Variants in ABCB4 observed in about 807,000 individuals in gnomAD.
ABCB4 encodes the protein phosphatidylcholine translocator ABCB4.
Under a neutral mutation model 145.7 loss-of-function variants are expected in ABCB4, and 76 were observed. That is an observed-to-expected ratio of 0.52 (90% CI 0.43 to 0.63). The LOEUF (loss-of-function observed/expected upper bound fraction) is 0.63, where lower values mean the gene tolerates loss of function less well. ABCB4 is among the 30% of genes least tolerant of loss of function. The probability of loss-of-function intolerance (pLI) is 0.00; values close to 1 mark genes in which losing one functional copy is unlikely to be tolerated. For missense variants in ABCB4, 1,234 were observed against 1,553.1 expected (o/e 0.79, Z 3.45); for synonymous variants, 517 against 566.8 (o/e 0.91, Z 1.25).
chr7:87,429,246 G>C (rs1388452551), intron 15 of ABCB4, among the ~76,000 whole-genome samples: 1 of 152,210 alleles, frequency 6.6e-6, no homozygotes, highest in Non-Finnish European at 1.5e-5. Context: ...ACTATTCAAA[G>C]GGGCTGAGAA....
chr7:87,420,166 A>G, intron 18 of ABCB4, 91 bp from the exon 19 acceptor site: 1 of 1,266,368 alleles, frequency 7.9e-7, no homozygotes, highest in Non-Finnish European at 1.2e-6. Flanking sequence ...TAGCAAAGTT[A>G]TGAGTTGTTT....
At chr7:87,418,962 G>A (rs1454538808) in intron 19 of ABCB4, among the ~76,000 whole-genome samples, 2 of 152,170 alleles carry the variant, frequency 1.3e-5, no homozygotes, top group Non-Finnish European at 2.9e-5. Context: ...GCCCTGATAT[G>A]GTGTTGTCTC....
At chr7:87,376,448 C>G in the ABCB4 span, among the ~76,000 whole-genome samples, 1 of 151,988 alleles carries the variant, frequency 6.6e-6, no homozygotes, top group Non-Finnish European at 1.5e-5. Context: ...TAAATATGGC[C>G]TTATTTTATG....
intron 14 of ABCB4, among the ~76,000 whole-genome samples, chr7:87,435,088 A>C (rs1562971617): frequency 6.6e-6 from 1 of 152,254 alleles, no homozygotes; most frequent in Non-Finnish European, 1.5e-5. Flanking sequence ...TATGGTCCTC[A>C]GAGGCAAGAC....
At chr7:87,450,167 C>A in intron 7 of ABCB4, 75 bp from the exon 8 acceptor site, 1 of 1,585,248 alleles carries the variant, frequency 6.3e-7, no homozygotes, top group Non-Finnish European at 8.6e-7. Flanking sequence ...ACCCTTTAAC[C>A]TACTTTTTCT....
chr7:87,442,459 A>C (rs1047505634), intron 12 of ABCB4, among the ~76,000 whole-genome samples: 1 of 152,290 alleles, frequency 6.6e-6, no homozygotes, highest in African/African-American at 2.4e-5. Flanking sequence ...TTAATATCAG[A>C]TAAACTCAAT....
Position 87,402,166 on chromosome 7 carries a change from T to G in ABCB4, c.3770A>C (p.Gln1257Pro). ...GATGCCTTTCTGTGCCAGCAGCTGC[T>G]GATGCGTGCCATGCTCCTTGACTCT... is the stretch of plus-strand genomic sequence containing the variant. ...NGRVKEHGTH[Q>P]QLLAQKGIYF... Residue 1257 changes from glutamine to proline, a missense_variant, in exon 28 of 28, where the codon CAG becomes CCG. Physicochemically the swap from Gln to Pro is moderately conservative, Grantham distance 76. Around this residue, in one of 7 missense-constraint regions of ABCB4, gnomAD observed 58 missense variants for 75.9 expected, o/e 0.76. Transcript: ENST00000649586. 1 of 1,614,126 alleles carries G rather than the reference T, an allele frequency of 6.2e-7. No homozygotes were observed. The highest frequency in any genetic ancestry group is 8.5e-7 in the Non-Finnish European group (1 of 1,180,042).
downstream of ABCB4, among the ~76,000 whole-genome samples, chr7:87,396,924 T>G (rs1728998357): frequency 6.6e-6 from 1 of 152,204 alleles, no homozygotes; most frequent in Admixed American, 6.5e-5. Flanking sequence ...GGTTGTATAA[T>G]TTCCAGTCTT....
rs987598303 is a variant in ABCB4 at position 87,451,879 on chromosome 7, GT to G, written c.537-86del. ...AGACATCCAACAAACACATAGACAA[GT>G]AAAATTTGTTCACTGACTGCAAGCC... On this transcript the variant is annotated intron_variant, in intron 6 of 27. Coordinates refer to ENST00000649586, the MANE Select transcript of ABCB4 (RefSeq NM_000443.4). The G allele has an allele frequency of 7.0e-5, 94 of 1,342,118 alleles. No homozygotes were observed. The Admixed American group carries it at 7.2e-4, about 10-fold the overall frequency. 83.1% of individuals were successfully genotyped at this position (1,342,118 alleles called of 1,614,324 possible). A position where few individuals can be genotyped will look rare whatever the true frequency, so the allele number is the denominator to read the frequency against.
the ABCB4 span, chr7:87,369,289 T>C: frequency 2.7e-6 from 2 of 753,372 alleles, no homozygotes. Context: ...ACTGGAAGAA[T>C]GCCTACTTTT....
the ABCB4 span, among the ~76,000 whole-genome samples, chr7:87,378,940 A>G: frequency 6.6e-6 from 1 of 152,216 alleles, no homozygotes; most frequent in South Asian, 2.1e-4. Flanking sequence ...TACAGTGAAA[A>G]GTTGCCACAA....
At chr7:87,377,538 G>A in the ABCB4 span, 2 of 739,176 alleles carry the variant, frequency 2.7e-6, no homozygotes, top group Admixed American at 2.5e-5. Flanking sequence ...GGGGAACAGT[G>A]TAAGTGAATA....
At chr7:87,449,466 G>A (rs1487892323) in intron 8 of ABCB4, among the ~76,000 whole-genome samples, 3 of 144,476 alleles carry the variant, frequency 2.1e-5, no homozygotes, top group Admixed American at 6.9e-5. Context: ...CTCTTTTTTT[G>A]TGATAGAGGC....
chr7:87,387,462 CT>C, the ABCB4 span, among the ~76,000 whole-genome samples: 734 of 145,058 alleles, frequency 5.1e-3, 5 homozygotes, highest in Middle Eastern at 0.014. Context: ...ATGAGCTATA[CT>C]TTTTTTTTTT....
chr7:87,377,266 G>A, the ABCB4 span: 1 of 772,424 alleles, frequency 1.3e-6, no homozygotes, highest in Non-Finnish European at 2.1e-6. Context: ...GAGGAATGGT[G>A]AGATGATATA....
In ABCB4 at chr7:87,440,260, T is replaced by C. The variant is rs764125742; in HGVS notation, c.1499A>G (p.Asp500Gly). The C allele has an allele frequency of 9.9e-6, 16 of 1,614,046 alleles. No individual in the cohort carries two copies. Among genetic ancestry groups the C allele is most frequent in the Middle Eastern group, 1.6e-4 (1 of 6,084 alleles). ...ICYGRGNVTM[D>G]EIKKAVKEAN... is the part of the protein sequence containing the mutation. ...CTCTTTGACAGCTTTCTTTATCTCA[T>C]CCATGGTTACATTTCCACGGCCATA... Residue 500 changes from aspartate to glycine, a missense_variant, in exon 13 of 28, where the codon GAT becomes GGT. Transcript: ENST00000649586.
the ABCB4 span, chr7:87,392,566 C>G: frequency 6.2e-7 from 1 of 1,612,210 alleles, no homozygotes; most frequent in African/African-American, 1.3e-5. Flanking sequence ...TTTAATACAG[C>G]TTCGTGAGCG....
At position 87,462,988 on chromosome 7, in the gene ABCB4, TA is replaced by T. The variant is rs149935119; in HGVS notation, c.136-81del. On this transcript the variant is annotated intron_variant, in intron 3 of 27. Transcript: ENST00000649586. ...CATAATTATATATTCTTTGGATTTT[TA>T]TTTAAAGTCAGTACTTTTTTAAGAG... 4,372 of 1,336,016 alleles carry T rather than the reference TA, an allele frequency of 3.3e-3. 68 individuals carry two copies. The African/African-American group carries it at 0.04, about 12-fold the overall frequency. 82.8% of individuals were successfully genotyped at this position (1,336,016 alleles called of 1,614,324 possible).
chr7:87,391,881 G>C, the ABCB4 span, among the ~76,000 whole-genome samples: 1 of 152,180 alleles, frequency 6.6e-6, no homozygotes, highest in Admixed American at 6.5e-5. Flanking sequence ...AGTGAAATGT[G>C]TAATTGGAAA....
Sources: allele counts gnomAD v4.1 joint callset (sites outside exome capture counted in the v4.1 genomes callset), GRCh38; gene constraint gnomAD v4.1.1; regional missense constraint gnomAD v4.1.1; transcripts MANE v1.5; gene names NCBI Gene and HGNC (gene_info 2026-07-23, HGNC 2026-07-21).